Variants in KCNIP3 observed in about 807,000 individuals in gnomAD.
KCNIP3 encodes the protein potassium voltage-gated channel interacting protein 3.
Under a neutral mutation model 35.0 loss-of-function variants are expected in KCNIP3, and 28 were observed. That is an observed-to-expected ratio of 0.80 (90% confidence interval 0.59 to 1.10). The LOEUF is 1.10. Ranked by LOEUF, KCNIP3 falls within the 50% of genes least tolerant of loss-of-function variation. KCNIP3 has a pLI of 0.00. For synonymous variants in KCNIP3, 134 were observed against 133.8 expected (o/e 1.00, Z -0.01); for missense variants, 295 against 338.4 (o/e 0.87, Z 1.01).
intron 2 of KCNIP3, among the ~76,000 whole-genome samples, chr2:95,345,223 C>T (rs1679317195): frequency 6.6e-6 from 1 of 152,270 alleles, no homozygotes; most frequent in Admixed American, 6.5e-5. Context: ...GCTGGTGTCA[C>T]GGGAAAGTCC....
At chr2:95,327,399 ACT>A (rs1017334498) in intron 2 of KCNIP3, among the ~76,000 whole-genome samples, 71 of 151,514 alleles carry the variant, frequency 4.7e-4, no homozygotes, top group African/African-American at 1.7e-3. Flanking sequence ...ACATACACAC[ACT>A]CTCACATACG....
At position 95,382,190 on chromosome 2, in the gene KCNIP3, G is replaced by A. The variant is rs1022873015; in HGVS notation, c.556-187G>A. 2.6e-5 allele frequency among the ~76,000 whole-genome samples: 4 copies of A among 152,218 alleles called. No homozygotes were observed. The highest frequency in any genetic ancestry group is 5.9e-5 in the Non-Finnish European group (4 of 68,036). ...CATCTCCCACTTCTCTGGGAGATGA[G>A]CTTCCCCTAGAGTCAGAAGCTCGCT... On this transcript the variant is annotated intron_variant, in intron 6 of 8. Transcript: ENST00000295225. The surrounding 1 kb of genome is among the most constrained non-coding windows in gnomAD (Gnocchi z 4.5).
At chr2:95,359,848 AAGGAG>A (rs1679746339) in intron 2 of KCNIP3, among the ~76,000 whole-genome samples, 1 of 152,218 alleles carries the variant, frequency 6.6e-6, no homozygotes, top group African/African-American at 2.4e-5. Context: ...TGGGGCAGCC[AAGGAG>A]CACTGTGGTG....
At chr2:95,369,868 C>T (rs1167121383) in intron 2 of KCNIP3, among the ~76,000 whole-genome samples, 1 of 152,154 alleles carries the variant, frequency 6.6e-6, no homozygotes, top group Non-Finnish European at 1.5e-5. Context: ...AATCAATCCA[C>T]CTGCCTCAGC....
intron 2 of KCNIP3, among the ~76,000 whole-genome samples, chr2:95,327,270 CCA>C (rs973463520): frequency 6.6e-6 from 1 of 152,216 alleles, no homozygotes; most frequent in Admixed American, 6.5e-5. Context: ...CCCCTAGTTC[CCA>C]TCCCCAGGAC....
At chr2:95,320,916 C>T (rs1410856544) in intron 2 of KCNIP3, among the ~76,000 whole-genome samples, 2 of 130,124 alleles carry the variant, frequency 1.5e-5, no homozygotes, top group African/African-American at 2.9e-5. Flanking sequence ...GCCTCTCCTC[C>T]CTGCCCCCCC....
chr2:95,382,370 C>T lies in KCNIP3; in HGVS notation c.556-7C>T, dbSNP rs764934273. ...TGCAGCAGGCTCATGCCAGCCTCCC[C>T]CTCCAGGAGATGCTGGCCATCATGA... On this transcript the variant is annotated splice_polypyrimidine_tract_variant and splice_region_variant and intron_variant, in intron 6 of 8. Coordinates refer to ENST00000295225, the MANE Select transcript of KCNIP3 (RefSeq NM_013434.5). The surrounding 1 kb of genome is among the most constrained non-coding windows in gnomAD (Gnocchi z 4.5). 1.9e-6 allele frequency: 3 copies of T among 1,568,934 alleles called. No homozygotes were observed. Among genetic ancestry groups the T allele is most frequent in the South Asian group, 1.2e-5 (1 of 84,382 alleles).
chr2:95,349,688 G>T (rs1679464090), intron 2 of KCNIP3, among the ~76,000 whole-genome samples: 1 of 152,244 alleles, frequency 6.6e-6, no homozygotes, highest in African/African-American at 2.4e-5. Flanking sequence ...CCAGAGGCCA[G>T]GCTAGCCTCA....
intron 2 of KCNIP3, among the ~76,000 whole-genome samples, chr2:95,314,728 G>T (rs770350489): frequency 6.6e-6 from 1 of 152,242 alleles, no homozygotes; most frequent in Non-Finnish European, 1.5e-5. Context: ...CAGAACCCCT[G>T]CTGCCTCCTG....
intron 2 of KCNIP3, chr2:95,346,820 C>T (rs1679383108): frequency 4.9e-6 from 1 of 203,368 alleles, no homozygotes; most frequent in African/African-American, 2.4e-5. Flanking sequence ...CGTCCAGCCT[C>T]CGGCCTGACC....
Position 95,376,725 on chromosome 2 carries a change from G to C in KCNIP3, c.447+1517G>C, listed in dbSNP as rs917568818. ...AAGCCCCCATGGCCCCATCCTGGGA[G>C]CCCCACAGACTGGGATCCCAGTGGT... is the stretch of plus-strand genomic sequence containing the variant. On this transcript the variant is annotated intron_variant, in intron 5 of 8. Coordinates refer to ENST00000295225, the MANE Select transcript of KCNIP3 (RefSeq NM_013434.5). This position sits in a 1 kb window ranked among gnomAD's most constrained non-coding sequence, Gnocchi z 4.2. 6.6e-6 allele frequency among the ~76,000 whole-genome samples: 1 copy of C among 152,232 alleles called. No individual in the cohort carries two copies. Among genetic ancestry groups the C allele is most frequent in the African/African-American group, 2.4e-5 (1 of 41,470 alleles).
chr2:95,332,177 C>T (rs544032950), intron 2 of KCNIP3, among the ~76,000 whole-genome samples: 2 of 152,366 alleles, frequency 1.3e-5, no homozygotes, highest in Non-Finnish European at 2.9e-5. Context: ...GGCCGGTCCT[C>T]CTGAGCCCTC....
intron 1 of KCNIP3, among the ~76,000 whole-genome samples, chr2:95,298,201 T>A (rs1329757918): frequency 6.9e-6 from 1 of 145,102 alleles, no homozygotes; most frequent in African/African-American, 2.6e-5. Context: ...TGATGCCCTG[T>A]GAGCTGCTCA....
chr2:95,373,350 G>T (rs1680083711), intron 2 of KCNIP3, among the ~76,000 whole-genome samples: 1 of 147,690 alleles, frequency 6.8e-6, no homozygotes, highest in South Asian at 2.2e-4. Flanking sequence ...AAATAAAAAA[G>T]TAAAAATCAC....
rs3222174 is a variant in KCNIP3 at position 95,384,205 on chromosome 2, C to CACACACACACAT, written c.*157_*158insCACACACACATA. The CACACACACACAT allele has an allele frequency of 1.5e-6, 1 of 651,218 alleles. No individual in the cohort carries two copies. Among genetic ancestry groups the CACACACACACAT allele is most frequent in the Non-Finnish European group, 2.7e-6 (1 of 364,288 alleles). The allele number at this position is 651,218 out of a possible 1,614,324, so 40.3% of individuals were successfully genotyped here. On this transcript the variant is annotated 3_prime_UTR_variant, in exon 9 of 9. Transcript: ENST00000295225. ...ACACACACACACACACACACACACA[C>CACACACACACAT]AGCCATTCATCTGGGCTGGCAGAGG...
chr2:95,372,369 C>A (rs1196779777), intron 2 of KCNIP3, among the ~76,000 whole-genome samples: 1 of 152,218 alleles, frequency 6.6e-6, no homozygotes, highest in African/African-American at 2.4e-5. Context: ...TTGCTGTGAG[C>A]ATCCTTGTGC....
At position 95,297,552 on chromosome 2, in the gene KCNIP3, A is replaced by G. The variant is rs975979574; in HGVS notation, c.15+99A>G. 6.6e-5 allele frequency: 63 copies of G among 947,750 alleles called. 1 individual carries two copies. Among genetic ancestry groups the G allele is most frequent in the Admixed American group, 2.4e-4 (9 of 37,662 alleles). The allele number at this position is 947,750 out of a possible 1,614,324, so 58.7% of individuals were successfully genotyped here. On this transcript the variant is annotated intron_variant, in intron 1 of 8. Transcript: ENST00000295225. The stretch of plus-strand genomic sequence containing the variant: ...CTGGACCAGGAAGCCTTTTTCTTTG[A>G]CCCTTGTCCCCTCTTGTTCCACTTT...
At chr2:95,336,149 C>T (rs997737540) in intron 2 of KCNIP3, among the ~76,000 whole-genome samples, 3 of 152,208 alleles carry the variant, frequency 2.0e-5, no homozygotes, top group African/African-American at 4.8e-5. Flanking sequence ...GATGTGGATT[C>T]TAGTTTGTCC....
chr2:95,385,182 C>G lies in KCNIP3; in HGVS notation c.*1133C>G, dbSNP rs1409553690. 6.5e-6 allele frequency: 1 copy of G among 152,890 alleles called. No homozygotes were observed. The highest frequency in any genetic ancestry group is 1.5e-5 in the Non-Finnish European group (1 of 68,302). 9.5% of individuals were successfully genotyped at this position (152,890 alleles called of 1,614,324 possible). The stretch of plus-strand genomic sequence containing the variant: ...AGCACACTGCTTCTCGGAGGCCAGG[C>G]CCTCCTGCTGGCTGAGGCTTGGGCC... On this transcript the variant is annotated 3_prime_UTR_variant, in exon 9 of 9. Coordinates refer to ENST00000295225, the MANE Select transcript of KCNIP3 (RefSeq NM_013434.5).
Sources: allele counts gnomAD v4.1 joint callset (sites outside exome capture counted in the v4.1 genomes callset), GRCh38; gene constraint gnomAD v4.1.1; non-coding constraint Gnocchi (gnomAD v3.1); transcripts MANE v1.5; gene names NCBI Gene and HGNC (gene_info 2026-07-23, HGNC 2026-07-21).